The following TJP2 variants were observed in gnomAD, a reference collection of about 807,000 sequenced individuals.
TJP2 encodes tight junction protein 2, also known as Friedreich ataxia region gene X104 (tight junction protein ZO-2).
TJP2 carries 91 observed loss-of-function variants against 133.1 expected under a neutral mutation model. The ratio of observed to expected loss-of-function variants is 0.68; its 90% CI spans 0.58 to 0.81. The LOEUF (loss-of-function observed/expected upper bound fraction) is 0.81, where lower values mean the gene tolerates loss of function less well. Ranked by LOEUF, TJP2 falls within the 40% of genes least tolerant of loss-of-function variation. The pLI is 0.00. For synonymous variants in TJP2, 592 were observed against 583.4 expected, an observed-to-expected ratio of 1.01 and a Z score of -0.21; for missense variants, 1,541 against 1,565.6, an observed-to-expected ratio of 0.98 and a Z score of 0.26.
chr9:69,228,203 G>A (rs1228245317), intron 9 of TJP2, 89 bp downstream of exon 9: 1 of 1,497,394 alleles, frequency 6.7e-7, no homozygotes, highest in African/African-American at 1.4e-5. Context: ...CATGTCCTTT[G>A]CAGCCACGTG....
At chr9:69,185,712 T>C (rs930318304) in intron 1 of TJP2, among the ~76,000 whole-genome samples, 5 of 152,138 alleles carry the variant, frequency 3.3e-5, no homozygotes, top group African/African-American at 1.2e-4. Flanking sequence ...GTTACTTTTT[T>C]CCCTGTCTTT....
intron 6 of TJP2, among the ~76,000 whole-genome samples, chr9:69,225,695 G>A (rs1190325027): frequency 1.3e-5 from 2 of 152,220 alleles, no homozygotes; most frequent in African/African-American, 4.8e-5. Flanking sequence ...AAGATGAGAA[G>A]GAAAGTTGGT....
intron 2 of TJP2, among the ~76,000 whole-genome samples, chr9:69,168,507 C>G (rs569574116): frequency 6.6e-6 from 1 of 152,132 alleles, no homozygotes; most frequent in Admixed American, 6.5e-5. Flanking sequence ...TGAAAGTGAT[C>G]ATGAGGGCAG....
At chr9:69,192,299 A>T (rs1320427323) in intron 1 of TJP2, among the ~76,000 whole-genome samples, 3 of 151,896 alleles carry the variant, frequency 2.0e-5, no homozygotes, top group Non-Finnish European at 4.4e-5. Context: ...GAAAAAAAAA[A>T]CTTTCATGTT....
intron 1 of TJP2, among the ~76,000 whole-genome samples, chr9:69,178,758 A>G (rs1033325353): frequency 5.3e-5 from 8 of 152,268 alleles, no homozygotes; most frequent in African/African-American, 1.7e-4. Context: ...GCCATTCTGC[A>G]GTTTTTAAAG....
chr9:69,226,658 C>G (rs796506650), intron 7 of TJP2, among the ~76,000 whole-genome samples: 14 of 152,272 alleles, frequency 9.2e-5, no homozygotes, highest in African/African-American at 3.4e-4. Context: ...GCCACCACAC[C>G]TGGCTAATTT....
chr9:69,156,279 G>A (rs1823751555), intron 2 of TJP2, among the ~76,000 whole-genome samples: 2 of 152,152 alleles, frequency 1.3e-5, no homozygotes, highest in African/African-American at 4.8e-5. Context: ...CACCAGAACT[G>A]CTTGAACCTG....
chr9:69,152,927 G>C (rs190506199), intron 2 of TJP2, among the ~76,000 whole-genome samples: 4 of 144,944 alleles, frequency 2.8e-5, no homozygotes, highest in Admixed American at 1.5e-4. Flanking sequence ...GCCCTCTGGA[G>C]CTCTTAAAGG....
intron 5 of TJP2, among the ~76,000 whole-genome samples, chr9:69,223,762 T>C (rs1034568282): frequency 6.6e-6 from 1 of 152,222 alleles, no homozygotes; most frequent in African/African-American, 2.4e-5. Flanking sequence ...GCCCTTCCCT[T>C]ATTCCATTCT....
intron 7 of TJP2, among the ~76,000 whole-genome samples, chr9:69,227,412 C>T (rs993685415): frequency 6.6e-6 from 1 of 152,176 alleles, no homozygotes; most frequent in African/African-American, 2.4e-5. Flanking sequence ...TGCATCCTAA[C>T]AAGATTTGTA....
intron 1 of TJP2, 95 bp downstream of exon 1, chr9:69,174,527 T>G: frequency 4.5e-6 from 6 of 1,340,290 alleles, no homozygotes; most frequent in Non-Finnish European, 6.3e-6. Context: ...TCTGAAGTTG[T>G]TCCCCGATGC....
At chr9:69,217,559 C>A (rs553789819) in intron 3 of TJP2, among the ~76,000 whole-genome samples, 2 of 152,058 alleles carry the variant, frequency 1.3e-5, no homozygotes, top group Non-Finnish European at 2.9e-5. Context: ...TGTACCTACT[C>A]GGGTCCCAGC....
rs149357112 is a variant in TJP2 at position 69,177,805 on chromosome 9, C to T, written c.60+3373C>T. 5.7e-3 allele frequency among the ~76,000 whole-genome samples: 861 copies of T among 151,944 alleles called. 7 individuals are homozygous for T. The highest frequency in any genetic ancestry group is 0.015 in the African/African-American group (620 of 41,426). ...GATTACAGAAGTGAGCCACCGTGCC[C>T]GGCCACTAGTTTTAATTTTGGATGG... On this transcript the variant is annotated intron_variant, in intron 1 of 22. Transcript: ENST00000377245.
chr9:69,137,247 C>T (rs6560592), intron 1 of TJP2, among the ~76,000 whole-genome samples: 20,174 of 59,234 alleles, frequency 0.34, 3,031 homozygotes, highest in East Asian at 0.6. Context: ...CTTTCTCTCT[C>T]TCTTTCTTTC....
At chr9:69,122,069 G>C (rs1311304120) in intron 1 of TJP2, 1 of 152,298 alleles carries the variant, frequency 6.6e-6, no homozygotes, top group African/African-American at 2.4e-5. Flanking sequence ...ATCATCAACA[G>C]GTGTGCCTGA....
chr9:69,213,930 T>C (rs1828144388), intron 2 of TJP2, among the ~76,000 whole-genome samples: 1 of 152,166 alleles, frequency 6.6e-6, no homozygotes, highest in African/African-American at 2.4e-5. Context: ...TTTGTAATTG[T>C]GTATAATCAG....
intron 11 of TJP2, 37 bp from the exon 12 acceptor site, chr9:69,234,398 CTTTT>C (rs202100183): frequency 4.4e-5 from 43 of 982,904 alleles, no homozygotes; most frequent in African/African-American, 9.7e-5. Flanking sequence ...TTCTTTCTTT[CTTTT>C]TTTTTTTTTT....
intron 1 of TJP2, among the ~76,000 whole-genome samples, chr9:69,207,697 G>A (rs1482108185): frequency 6.6e-6 from 1 of 152,196 alleles, no homozygotes; most frequent in Non-Finnish European, 1.5e-5. Context: ...TTCAGAGAGA[G>A]GTCAGATATT....
intron 11 of TJP2, among the ~76,000 whole-genome samples, chr9:69,232,898 C>G (rs959828921): frequency 6.6e-6 from 1 of 152,050 alleles, no homozygotes; most frequent in African/African-American, 2.4e-5. Flanking sequence ...AGACTGTGAT[C>G]GAGACTGATC....
Sources: gnomAD v4.1 joint callset for allele counts (sites outside exome capture counted in the v4.1 genomes callset) on GRCh38, gnomAD v4.1.1 for gene constraint, MANE v1.5 for transcripts, NCBI Gene and HGNC (gene_info 2026-07-23, HGNC 2026-07-21) for gene names.